The following DNAH14 variants were observed in gnomAD, a reference collection of about 807,000 sequenced individuals.
DNAH14 encodes the protein dynein axonemal heavy chain 14, also known as axonemal beta dynein heavy chain 14.
Under a neutral mutation model 520.9 loss-of-function variants are expected in DNAH14, and 478 were observed. The ratio of observed to expected loss-of-function variants is 0.92; its 90% CI spans 0.85 to 0.99. The LOEUF is 0.99. Among genes scored for constraint, DNAH14 ranks in the 50% least tolerant of loss-of-function variants. The pLI, the probability that DNAH14 is intolerant of heterozygous loss-of-function variation, is 0.00. For missense variants in DNAH14, 4,831 were observed against 5,234.5 expected (o/e 0.92, Z 2.38); for synonymous variants, 1,581 against 1,757.2 (o/e 0.90, Z 2.51).
Position 225,007,500 on chromosome 1 carries a change from A to C in DNAH14, c.1063A>C (p.Ile355Leu), listed in dbSNP as rs2147857530. The C allele has an allele frequency of 1.3e-6, 2 of 1,538,742 alleles. No individual in the cohort carries two copies. The highest frequency in any genetic ancestry group is 1.8e-6 in the Non-Finnish European group (2 of 1,139,722). ...ATQALKQLED[I>L]RNKAISEMKS... is the part of the protein sequence containing the mutation. ...CCAGGCATTGAAACAACTTGAGGACATCAGGAATAAAGCAATTTCAGAGAT... is the reference window on the plus strand; with the variant it reads ...CCAGGCATTGAAACAACTTGAGGACCTCAGGAATAAAGCAATTTCAGAGAT... Residue 355 changes from isoleucine to leucine, a missense_variant, in exon 10 of 86, where the codon ATC becomes CTC. Physicochemically the swap from Ile to Leu is conservative, Grantham distance 5 (BLOSUM62 2). Coordinates refer to ENST00000682510, the MANE Select transcript of DNAH14 (RefSeq NM_001367479.1).
At chr1:225,259,864 C>T (rs1374321861) in intron 46 of DNAH14, among the ~76,000 whole-genome samples, 1 of 152,162 alleles carries the variant, frequency 6.6e-6, no homozygotes, top group African/African-American at 2.4e-5. Flanking sequence ...CCTCCAGGTT[C>T]ATCCATGTTG....
intron 1 of DNAH14, among the ~76,000 whole-genome samples, chr1:224,933,332 T>G (rs2058819132): frequency 6.6e-6 from 1 of 151,984 alleles, no homozygotes; most frequent in South Asian, 2.1e-4. Context: ...TTTGGTGGAG[T>G]TTTTAGGTAT....
At chr1:225,040,384 C>T (rs2067369949) in intron 12 of DNAH14, among the ~76,000 whole-genome samples, 1 of 152,138 alleles carries the variant, frequency 6.6e-6, no homozygotes, top group Admixed American at 6.5e-5. Flanking sequence ...CAATGGTTAT[C>T]TGTGGGTGGT....
In DNAH14 at chr1:225,228,573, C is replaced by T. The variant is rs527883761; in HGVS notation, c.6440-2500C>T. 6.4e-4 allele frequency among the ~76,000 whole-genome samples: 97 copies of T among 151,878 alleles called. 1 individual carries two copies. The highest frequency in any genetic ancestry group is 2.3e-3 in the African/African-American group (94 of 41,462). On this transcript the variant is annotated intron_variant, in intron 41 of 85. Transcript: ENST00000682510. ...ACAAACAGCCACATGGAATGATGTG[C>T]AAGGACATCTCTCCTGGATAGACCC...
At chr1:225,044,707 A>T (rs1299768549) in intron 15 of DNAH14, among the ~76,000 whole-genome samples, 9 of 152,194 alleles carry the variant, frequency 5.9e-5, no homozygotes, top group Non-Finnish European at 1.0e-4. Context: ...TTGTATTATG[A>T]AGATGAAATG....
At chr1:224,946,968 A>G (rs2501067) in intron 1 of DNAH14, among the ~76,000 whole-genome samples, 13,706 of 136,728 alleles carry the variant, frequency 0.1, 2,141 homozygotes, top group African/African-American at 0.35. Context: ...CCCAGGCTGG[A>G]GTGCAGTGGC....
At chr1:225,001,426 A>G (rs544375188) in intron 8 of DNAH14, among the ~76,000 whole-genome samples, 1 of 152,220 alleles carries the variant, frequency 6.6e-6, no homozygotes. Flanking sequence ...TGTGTGAGTT[A>G]TGTTGTGGAG....
chr1:224,977,254 G>A lies in DNAH14; in HGVS notation c.830+3101G>A, dbSNP rs541647691. 2.7e-5 allele frequency among the ~76,000 whole-genome samples: 4 copies of A among 149,308 alleles called. No homozygotes were observed. In the South Asian group the frequency reaches 6.4e-4, roughly 24 times the overall value. On this transcript the variant is annotated intron_variant, in intron 8 of 85. Transcript: ENST00000682510. ...ATCGCAAGAACAGAAACCAAACACC[G>A]CATGTTCTCACTCATAGGTGGGAAT... is the stretch of plus-strand genomic sequence containing the variant.
chr1:225,142,795 G>A (rs1286180241), intron 28 of DNAH14, among the ~76,000 whole-genome samples: 1 of 152,060 alleles, frequency 6.6e-6, no homozygotes, highest in Non-Finnish European at 1.5e-5. Flanking sequence ...CCGTGATGGT[G>A]CACACCTGTA....
chr1:225,240,726 C>G lies in DNAH14; in HGVS notation c.6652C>G (p.Pro2218Ala). The G allele has an allele frequency of 6.4e-7, 1 of 1,550,718 alleles. No homozygotes were observed. The highest frequency in any genetic ancestry group is 2.5e-5 in the East Asian group (1 of 40,810). Residue 2218 changes from proline to alanine, a missense_variant, in exon 43 of 86, where the codon CCA becomes GCA. Coordinates refer to ENST00000682510, the MANE Select transcript of DNAH14 (RefSeq NM_001367479.1). ...TGAAGATGAACACAGAGAAAATATA[C>G]CATTTTGTCCCAGTCTTGAACCTGA... is the stretch of plus-strand genomic sequence containing the variant. ...NREDEHRENI[P>A]FCPSLEPDSL... is the part of the protein sequence containing the mutation.
chr1:225,126,943 T>C (rs1239341334), intron 27 of DNAH14, among the ~76,000 whole-genome samples: 1 of 151,956 alleles, frequency 6.6e-6, no homozygotes, highest in African/African-American at 2.4e-5. Context: ...ACATCTTTAT[T>C]TCTGCCTTCA....
intron 23 of DNAH14, among the ~76,000 whole-genome samples, chr1:225,116,766 A>C (rs775075357): frequency 1.1e-3 from 166 of 152,206 alleles, no homozygotes; most frequent in Non-Finnish European, 1.9e-3. Flanking sequence ...GAAGAGAGTG[A>C]AACTTTAGAA....
intron 38 of DNAH14, among the ~76,000 whole-genome samples, chr1:225,198,201 G>T (rs1003306620): frequency 6.6e-6 from 1 of 150,522 alleles, no homozygotes; most frequent in Admixed American, 6.7e-5. Context: ...ATTACATTGA[G>T]ATATGTCCCT....
chr1:225,274,550 A>G (rs1432596331), intron 52 of DNAH14, among the ~76,000 whole-genome samples: 1 of 152,206 alleles, frequency 6.6e-6, no homozygotes, highest in East Asian at 1.9e-4. Context: ...GTTAGATGGT[A>G]TCTAATTGTG....
intron 1 of DNAH14, among the ~76,000 whole-genome samples, chr1:224,936,944 A>G (rs1485602754): frequency 6.6e-6 from 1 of 152,042 alleles, no homozygotes; most frequent in Non-Finnish European, 1.5e-5. Context: ...GATACATCAC[A>G]TTAACTGAAC....
At chr1:225,032,356 T>A (rs146172034) in intron 11 of DNAH14, among the ~76,000 whole-genome samples, 17 of 152,226 alleles carry the variant, frequency 1.1e-4, no homozygotes, top group Non-Finnish European at 2.1e-4. Context: ...CTTGCATTAG[T>A]TTGCTAAGGA....
At chr1:225,061,839 GTTCATC>G (rs2070165362) in intron 17 of DNAH14, among the ~76,000 whole-genome samples, 1 of 152,138 alleles carries the variant, frequency 6.6e-6, no homozygotes, top group Non-Finnish European at 1.5e-5. Flanking sequence ...CTCCCAGAAA[GTTCATC>G]TTCATCCATT....
In DNAH14 at chr1:225,002,868, A is replaced by T; in HGVS notation, c.916A>T (p.Ile306Phe). 6.5e-7 allele frequency: 1 copy of T among 1,549,684 alleles called. No individual in the cohort carries two copies. The highest frequency in any genetic ancestry group is 2.5e-5 in the East Asian group (1 of 40,736). ...VYIRGLCEDA[I>F]NLKNYNDHEN... ...TATAAGAGGACTTTGTGAAGATGCA[A>T]TTAATCTCAAAAATTATAATGACCA... Residue 306 changes from isoleucine (I) to phenylalanine (F), a missense_variant, in exon 9 of 86, where the codon ATT becomes TTT. Physicochemically the swap from Ile to Phe is conservative, Grantham distance 21. Coordinates refer to ENST00000682510, the MANE Select transcript of DNAH14 (RefSeq NM_001367479.1).
Position 225,333,315 on chromosome 1 carries a change from CAAAT to C in DNAH14, c.9891_9894del (p.Asp3299ThrfsTer3). ...GACTCGATGGCAAGAAACAATCAAT[CAAAT>C]AGATAACAAATTAGAAGGAATTTTG... On this transcript the variant is annotated frameshift_variant, in exon 66 of 86. Transcript: ENST00000682510. LOFTEE classifies it high-confidence loss of function. 1.9e-6 allele frequency: 3 copies of C among 1,551,316 alleles called. 1 individual carries two copies. In the South Asian group the frequency reaches 3.6e-5, roughly 18 times the overall value.
Sources: gnomAD v4.1 joint callset for allele counts (sites outside exome capture counted in the v4.1 genomes callset) on GRCh38, gnomAD v4.1.1 for gene constraint, MANE v1.5 for transcripts, NCBI Gene and HGNC (gene_info 2026-07-23, HGNC 2026-07-21) for gene names.